The following GSG1L variants were observed in gnomAD, a reference collection of about 807,000 sequenced individuals.
The protein encoded by GSG1L is GSG1 like.
In GSG1L, 24 loss-of-function variants were observed where a neutral mutation model predicts 42.1. That is an observed-to-expected ratio of 0.57 (90% CI 0.41 to 0.80). The LOEUF (loss-of-function observed/expected upper bound fraction) is 0.80. Among genes scored for constraint, GSG1L ranks in the 30% least tolerant of loss-of-function variants. GSG1L has a pLI of 0.00. For missense variants in GSG1L, 445 were observed against 472.2 expected, an observed-to-expected ratio of 0.94 and a Z score of 0.53; for synonymous variants, 215 against 203.5, an observed-to-expected ratio of 1.06 and a Z score of -0.48.
intron 5 of GSG1L, among the ~76,000 whole-genome samples, chr16:27,811,499 C>T (rs1249818570): frequency 1.3e-5 from 2 of 152,222 alleles, no homozygotes; most frequent in African/African-American, 2.4e-5. Context: ...CATCCCGGAA[C>T]ACCACCTCCC....
intron 2 of GSG1L, among the ~76,000 whole-genome samples, chr16:27,926,044 A>G (rs1269932335): frequency 6.6e-6 from 1 of 152,218 alleles, no homozygotes; most frequent in Non-Finnish European, 1.5e-5. Flanking sequence ...TTGTTTGTTA[A>G]TTGAGGCGGG....
At chr16:27,853,958 G>C (rs976380916) in intron 3 of GSG1L, among the ~76,000 whole-genome samples, 1 of 152,054 alleles carries the variant, frequency 6.6e-6, no homozygotes, top group African/African-American at 2.4e-5. Context: ...TGTCATTTGG[G>C]TAACTAGATA....
At chr16:27,862,955 C>A (rs1044161909) in intron 3 of GSG1L, among the ~76,000 whole-genome samples, 12 of 151,790 alleles carry the variant, frequency 7.9e-5, no homozygotes, top group Admixed American at 3.9e-4. Context: ...AAATAGAGTT[C>A]TATATATAGT....
rs539133996 is a variant in GSG1L at position 27,918,903 on chromosome 16, A to T, written c.398-34265T>A. 1.5e-3 allele frequency among the ~76,000 whole-genome samples: 234 copies of T among 152,180 alleles called. 3 individuals carry two copies. The highest frequency in any genetic ancestry group is 5.4e-3 in the South Asian group (26 of 4,814). On this transcript the variant is annotated intron_variant, in intron 2 of 6. Coordinates refer to ENST00000447459, the MANE Select transcript of GSG1L (RefSeq NM_001109763.2). ...GGAGTGTGTAGTCTTAAGATGGATG[A>T]TTCATCATTCCCGTTCCTTTACCCA...
intron 2 of GSG1L, among the ~76,000 whole-genome samples, chr16:27,890,722 C>T (rs976454708): frequency 3.9e-5 from 6 of 152,160 alleles, no homozygotes; most frequent in Admixed American, 1.3e-4. Context: ...CTACATGAGC[C>T]GTGGAACATC....
rs3047681 is a variant in GSG1L at position 27,803,766 on chromosome 16, C to CATATATATATAT, written c.898+3709_898+3720dup. Among the ~76,000 whole-genome samples, 276 of 117,734 alleles carry CATATATATATAT rather than the reference C, an allele frequency of 2.3e-3. 1 individual carries two copies. Among genetic ancestry groups the CATATATATATAT allele is most frequent in the East Asian group, 6.8e-3 (29 of 4,238 alleles). The allele number at this position is 117,734 out of a possible 152,430, so 77.2% of individuals were successfully genotyped here. A position where few individuals can be genotyped will look rare whatever the true frequency, so the allele number is the denominator to read the frequency against. ...TCTGATCCTTTTCCCACAGTGCAGA[C>CATATATATATAT]ATATATATATATATATATATATATA... On this transcript the variant is annotated intron_variant, in intron 6 of 6. Coordinates refer to ENST00000447459, the MANE Select transcript of GSG1L (RefSeq NM_001109763.2).
At chr16:27,882,572 T>A (rs548339787) in intron 3 of GSG1L, among the ~76,000 whole-genome samples, 67 of 152,286 alleles carry the variant, frequency 4.4e-4, no homozygotes, top group Middle Eastern at 3.4e-3. Context: ...ATATGCCGCA[T>A]CATCAGGCCT....
chr16:27,891,158 G>A (rs1424630444), intron 2 of GSG1L, among the ~76,000 whole-genome samples: 1 of 152,218 alleles, frequency 6.6e-6, no homozygotes, highest in African/African-American at 2.4e-5. Context: ...ATAAGTCCCA[G>A]AAGCTGGGTG....
intron 2 of GSG1L, among the ~76,000 whole-genome samples, chr16:27,902,954 C>G (rs1367986729): frequency 6.6e-6 from 1 of 152,016 alleles, no homozygotes; most frequent in African/African-American, 2.4e-5. Context: ...TGGAAGGCAG[C>G]TTTCAGTATG....
At chr16:27,929,094 C>A (rs1213267349) in intron 2 of GSG1L, among the ~76,000 whole-genome samples, 2 of 152,180 alleles carry the variant, frequency 1.3e-5, no homozygotes, top group African/African-American at 4.8e-5. Context: ...GCCCAGGTAC[C>A]TGTATTTCTC....
At chr16:27,801,862 G>A (rs2082886493) in intron 6 of GSG1L, among the ~76,000 whole-genome samples, 1 of 152,192 alleles carries the variant, frequency 6.6e-6, no homozygotes, top group African/African-American at 2.4e-5. Context: ...TCTGTAAAAT[G>A]GGTCCGTATT....
intron 6 of GSG1L, among the ~76,000 whole-genome samples, chr16:27,807,129 T>G (rs2082973628): frequency 6.6e-6 from 1 of 152,194 alleles, no homozygotes; most frequent in Non-Finnish European, 1.5e-5. Context: ...CTCAAACAAC[T>G]CCTGTCCACG....
At chr16:27,872,189 G>T (rs537259734) in intron 3 of GSG1L, among the ~76,000 whole-genome samples, 3 of 152,110 alleles carry the variant, frequency 2.0e-5, no homozygotes, top group African/African-American at 7.2e-5. Flanking sequence ...CTCCATGGTC[G>T]CTCTGGGCAT....
At chr16:27,903,098 T>G (rs1464364631) in intron 2 of GSG1L, among the ~76,000 whole-genome samples, 1 of 151,890 alleles carries the variant, frequency 6.6e-6, no homozygotes, top group Admixed American at 6.6e-5. Flanking sequence ...GAGGAGGAGC[T>G]GGAGGAGGTC....
chr16:28,063,000 C>G, intron 1 of GSG1L, 76 bp downstream of exon 1: 1 of 1,262,282 alleles, frequency 7.9e-7, no homozygotes, highest in Non-Finnish European at 9.9e-7. Flanking sequence ...GCGAACGGGT[C>G]CGGGGCTCGG....
intron 4 of GSG1L, among the ~76,000 whole-genome samples, chr16:27,841,068 A>C (rs2083375588): frequency 6.6e-6 from 1 of 152,200 alleles, no homozygotes; most frequent in Admixed American, 6.5e-5. Flanking sequence ...CATATTTTTT[A>C]CTAGATTTGG....
At chr16:27,826,428 G>T (rs2083209936) in intron 5 of GSG1L, among the ~76,000 whole-genome samples, 2 of 152,188 alleles carry the variant, frequency 1.3e-5, no homozygotes, top group Non-Finnish European at 2.9e-5. Flanking sequence ...GATGTGCAGT[G>T]ATGCCTTCCT....
At chr16:27,929,668 T>C (rs767320006) in intron 2 of GSG1L, among the ~76,000 whole-genome samples, 8 of 152,220 alleles carry the variant, frequency 5.3e-5, no homozygotes, top group Non-Finnish European at 1.2e-4. Context: ...CCCTTTTTCC[T>C]ATTACCCTGT....
intron 2 of GSG1L, among the ~76,000 whole-genome samples, chr16:27,887,870 A>C (rs555372141): frequency 1.3e-3 from 194 of 152,170 alleles, no homozygotes; most frequent in African/African-American, 4.3e-3. Flanking sequence ...TTGTAAGAGA[A>C]TAATGTGCTC....
Sources: gnomAD v4.1 joint callset for allele counts (sites outside exome capture counted in the v4.1 genomes callset) on GRCh38, gnomAD v4.1.1 for gene constraint, MANE v1.5 for transcripts, NCBI Gene and HGNC (gene_info 2026-07-23, HGNC 2026-07-21) for gene names.